The following CSRP1 variants were observed in gnomAD, a reference collection of about 807,000 sequenced individuals.
The protein encoded by CSRP1 is cysteine and glycine rich protein 1.
A neutral mutation model predicts 25.4 loss-of-function variants in CSRP1; 16 were observed. The observed-to-expected ratio is 0.63, with a 90% CI of 0.43 to 0.96. The LOEUF (loss-of-function observed/expected upper bound fraction) is 0.96. Ranked by LOEUF, CSRP1 falls within the 40% of genes least tolerant of loss-of-function variation. The pLI is 0.00. For synonymous variants in CSRP1, 97 were observed against 95.3 expected (o/e 1.02, Z -0.10); for missense variants, 212 against 243.6 (o/e 0.87, Z 0.86).
At chr1:201,505,036 G>T (rs1664777194) in intron 1 of CSRP1, among the ~76,000 whole-genome samples, 2 of 152,168 alleles carry the variant, frequency 1.3e-5, no homozygotes, top group Admixed American at 1.3e-4. Context: ...GGAGGCAGAG[G>T]TTGCAGTGAG....
Position 201,488,879 on chromosome 1 carries a change from C to G in CSRP1, c.387G>C (p.Ala129=). ...CPRCSQAVYA[A]EKVIGAGKSW... The stretch of plus-strand genomic sequence containing the variant: ...CCTTCCCAGCACCAATCACCTTCTC[C>G]GCAGCATAGACTGCCTGGCTGCATC... The change falls in exon 4 of 6, where the codon GCG becomes GCC. Residue 129 remains alanine (A), a synonymous_variant. Coordinates refer to ENST00000340006, the MANE Select transcript of CSRP1 (RefSeq NM_004078.3). The G allele has an allele frequency of 3.1e-6, 5 of 1,614,082 alleles. No individual in the cohort carries two copies. Among genetic ancestry groups the G allele is most frequent in the Non-Finnish European group, 4.2e-6 (5 of 1,179,992 alleles).
intron 1 of CSRP1, among the ~76,000 whole-genome samples, chr1:201,503,132 C>A (rs183654549): frequency 1.3e-5 from 2 of 151,950 alleles, no homozygotes; most frequent in Non-Finnish European, 2.9e-5. Flanking sequence ...GGGACAAAAG[C>A]GAAACTCTGT....
chr1:201,499,796 AT>A (rs1337522545), intron 1 of CSRP1, among the ~76,000 whole-genome samples: 1 of 151,978 alleles, frequency 6.6e-6, no homozygotes, highest in Non-Finnish European at 1.5e-5. Flanking sequence ...TAATTTTTGT[AT>A]TTTTATTAGA....
chr1:201,487,476 C>T (rs1439756966), intron 4 of CSRP1: 4 of 152,492 alleles, frequency 2.6e-5, no homozygotes, highest in South Asian at 2.1e-4. Context: ...ACTTGGTCCA[C>T]TTTGCATTTC....
At chr1:201,499,074 AGGG>A (rs1664591538) in intron 1 of CSRP1, among the ~76,000 whole-genome samples, 1 of 152,186 alleles carries the variant, frequency 6.6e-6, no homozygotes. Context: ...CCCCAGATCC[AGGG>A]ACAGTCCCCA....
intron 1 of CSRP1, among the ~76,000 whole-genome samples, chr1:201,505,414 C>T (rs1363722494): frequency 6.6e-6 from 1 of 152,180 alleles, no homozygotes; most frequent in Non-Finnish European, 1.5e-5. Context: ...TAAGACAGAC[C>T]ACAGGCAAAT....
intron 1 of CSRP1, among the ~76,000 whole-genome samples, chr1:201,501,398 T>C (rs887886841): frequency 1.3e-5 from 2 of 152,254 alleles, no homozygotes; most frequent in African/African-American, 2.4e-5. Flanking sequence ...CCCAGCTGTC[T>C]GTGATGTCCC....
At chr1:201,498,908 C>T (rs957248560) in intron 1 of CSRP1, among the ~76,000 whole-genome samples, 4 of 152,250 alleles carry the variant, frequency 2.6e-5, no homozygotes, top group Admixed American at 6.5e-5. Context: ...CTAGGTAGAC[C>T]ATGCCTGCTG....
At position 201,488,913 on chromosome 1, in the gene CSRP1, C is replaced by T. The variant is rs539015336; in HGVS notation, c.353G>A (p.Arg118His). The change falls in exon 4 of 6, where the codon CGC becomes CAC. Residue 118 changes from arginine (R) to histidine (H), a missense_variant. Coordinates refer to ENST00000340006, the MANE Select transcript of CSRP1 (RefSeq NM_004078.3). ...KFAQKIGGSERCPRCSQAVYA... is the reference protein window; with the variant it reads ...KFAQKIGGSEHCPRCSQAVYA... ...GACTGCCTGGCTGCATCGGGGGCAG[C>T]GCTCGGAGCCACCAATCTTCTGGGC... 23 of 1,614,130 alleles carry T rather than the reference C, an allele frequency of 1.4e-5. No homozygotes were observed. Among genetic ancestry groups the T allele is most frequent in the East Asian group, 6.7e-5 (3 of 44,876 alleles).
chr1:201,503,490 CT>C (rs1318817549), intron 1 of CSRP1, among the ~76,000 whole-genome samples: 1 of 152,178 alleles, frequency 6.6e-6, no homozygotes, highest in Non-Finnish European at 1.5e-5. Context: ...GTAGGGGGTG[CT>C]GGCTGCCTAG....
At chr1:201,489,968 G>A in intron 3 of CSRP1, 1 of 521,568 alleles carries the variant, frequency 1.9e-6, no homozygotes, top group East Asian at 2.9e-5. Context: ...TCCTTGCAGG[G>A]AGGAGCCCAG....
intron 1 of CSRP1, among the ~76,000 whole-genome samples, chr1:201,499,264 T>G (rs1008436916): frequency 6.6e-6 from 1 of 152,200 alleles, no homozygotes; most frequent in South Asian, 2.1e-4. Flanking sequence ...CATTTCCCCC[T>G]TCTTCCTTGC....
chr1:201,505,636 CG>C (rs1664805066), intron 1 of CSRP1, among the ~76,000 whole-genome samples: 1 of 152,220 alleles, frequency 6.6e-6, no homozygotes. Context: ...GCCTCCGCCC[CG>C]GATATCCTCT....
In CSRP1 at chr1:201,485,377, C is replaced by T; in HGVS notation, c.412-1G>A. 2 of 1,614,084 alleles carry T rather than the reference C, an allele frequency of 1.2e-6. No individual in the cohort carries two copies. The highest frequency in any genetic ancestry group is 8.5e-7 in the Non-Finnish European group (1 of 1,179,960). On this transcript the variant is annotated splice_acceptor_variant, in intron 4 of 5. Transcript: ENST00000340006. LOFTEE classifies it high-confidence loss of function. ...ATCGAAAGCAGGCCTTATGCCAGGA[C>T]TAGGCAGGGAAGGAAATAGTTAATG... is the stretch of plus-strand genomic sequence containing the variant.
intron 1 of CSRP1, among the ~76,000 whole-genome samples, chr1:201,500,199 C>G (rs1664623730): frequency 6.6e-6 from 1 of 152,220 alleles, no homozygotes; most frequent in African/African-American, 2.4e-5. Context: ...TTCCAACCCC[C>G]TGAACCAGCA....
At position 201,490,299 on chromosome 1, in the gene CSRP1, C is replaced by T; in HGVS notation, c.158G>A (p.Gly53Asp). Residue 53 changes from glycine to aspartate, a missense_variant, in exon 3 of 6, where the codon GGT becomes GAT. Transcript: ENST00000340006. ...NLDSTTVAVH[G>D]EEIYCKSCYG... ...GCAGGACTTGCAGTAAATCTCCTCA[C>T]CATGCACGGCCACAGTGGTACTGTC... 6.2e-7 allele frequency: 1 copy of T among 1,614,212 alleles called. No individual in the cohort carries two copies. The highest frequency in any genetic ancestry group is 8.5e-7 in the Non-Finnish European group (1 of 1,180,046).
chr1:201,490,153 T>C (rs372374129), intron 3 of CSRP1, 23 bp downstream of exon 3: 11 of 1,603,756 alleles, frequency 6.9e-6, no homozygotes, highest in South Asian at 1.1e-5. Flanking sequence ...AAGAAAAAGG[T>C]TGGGAGGGGA....
In CSRP1 at chr1:201,483,943, A is replaced by G. The variant is rs1432676632; in HGVS notation, c.*770T>C. 1.5e-6 allele frequency: 1 copy of G among 675,434 alleles called. No individual in the cohort carries two copies. The highest frequency in any genetic ancestry group is 2.8e-6 in the Non-Finnish European group (1 of 363,122). 41.8% of individuals were successfully genotyped at this position (675,434 alleles called of 1,614,324 possible). ...CCAGGGTTAAGGCCAGAGATAAATG[A>G]AGATTTGAGCCATTGATAAATGCCA... On this transcript the variant is annotated 3_prime_UTR_variant, in exon 6 of 6. Coordinates refer to ENST00000340006, the MANE Select transcript of CSRP1 (RefSeq NM_004078.3).
rs764139425 is a variant in CSRP1, at chr1:201,490,180, C to T, written c.277G>A (p.Glu93Lys). ...GGGAGGGGATCTTTTACTCACTCCT[C>T]GTGCTTGATACCCAGCGACTCCCCC... ...DKGESLGIKH[E>K]EAPGHRPTTN... The change falls in exon 3 of 6, where the codon GAG becomes AAG. Residue 93 changes from glutamate (E) to lysine (K), a missense_variant. Transcript: ENST00000340006. 13 of 1,613,148 alleles carry T rather than the reference C, an allele frequency of 8.1e-6. No homozygotes were observed. Among genetic ancestry groups the T allele is most frequent in the South Asian group, 4.4e-5 (4 of 91,062 alleles).
Sources: allele counts gnomAD v4.1 joint callset (sites outside exome capture counted in the v4.1 genomes callset), GRCh38; gene constraint gnomAD v4.1.1; transcripts MANE v1.5; gene names NCBI Gene and HGNC (gene_info 2026-07-23, HGNC 2026-07-21).